The following MOCOS variants were observed in gnomAD, a reference collection of about 807,000 sequenced individuals.
The protein encoded by MOCOS is molybdenum cofactor sulfurase.
MOCOS carries 86 observed loss-of-function variants against 83.6 expected under a neutral mutation model. The ratio of observed to expected loss-of-function variants is 1.03; its 90% CI spans 0.86 to 1.23. MOCOS has a LOEUF of 1.23. Ranked by LOEUF, MOCOS falls within the 50% of genes most tolerant of loss-of-function variation. The pLI is 0.00. For synonymous variants in MOCOS, 445 were observed against 434.7 expected, an observed-to-expected ratio of 1.02 and a Z score of -0.29; for missense variants, 1,120 against 1,126.9, an observed-to-expected ratio of 0.99 and a Z score of 0.09.
intron 11 of MOCOS, among the ~76,000 whole-genome samples, chr18:36,256,388 C>T (rs1248757243): frequency 1.3e-5 from 2 of 152,192 alleles, no homozygotes; most frequent in Non-Finnish European, 2.9e-5. Context: ...TCCTCGAAGT[C>T]TTGCCTCCAA....
chr18:36,232,446 A>G (rs1039885688), intron 9 of MOCOS, among the ~76,000 whole-genome samples: 7 of 152,236 alleles, frequency 4.6e-5, no homozygotes, highest in East Asian at 1.9e-4. Context: ...GTGTAATTAT[A>G]TAGCATATTC....
chr18:36,260,540 G>A (rs1335579869), intron 13 of MOCOS, among the ~76,000 whole-genome samples: 13 of 152,164 alleles, frequency 8.5e-5, no homozygotes, highest in Admixed American at 8.5e-4. Flanking sequence ...GGAGCTTGTG[G>A]AGGGAGGCCC....
chr18:36,242,644 C>T (rs1460960335), intron 9 of MOCOS, among the ~76,000 whole-genome samples: 1 of 152,228 alleles, frequency 6.6e-6, no homozygotes, highest in Non-Finnish European at 1.5e-5. Context: ...CACAGTTCCA[C>T]ATGGCTGGAG....
intron 11 of MOCOS, among the ~76,000 whole-genome samples, chr18:36,255,246 G>A (rs1371764995): frequency 2.6e-5 from 4 of 152,182 alleles, no homozygotes; most frequent in African/African-American, 9.6e-5. Context: ...TAAATAAAGG[G>A]CTAGGGAAAG....
At chr18:36,203,789 AG>A (rs1448071053) in intron 5 of MOCOS, among the ~76,000 whole-genome samples, 2 of 152,210 alleles carry the variant, frequency 1.3e-5, no homozygotes, top group Non-Finnish European at 2.9e-5. Context: ...AGCCCAACAT[AG>A]GGGCAGACAG....
chr18:36,252,345 A>G (rs1425037632), intron 11 of MOCOS, among the ~76,000 whole-genome samples: 1 of 152,018 alleles, frequency 6.6e-6, no homozygotes, highest in Non-Finnish European at 1.5e-5. Flanking sequence ...ACATGGCAAG[A>G]CTCTATATCT....
At chr18:36,251,057 G>A (rs999692338) in intron 10 of MOCOS, 102 bp from the exon 11 acceptor site, 22 of 1,420,432 alleles carry the variant, frequency 1.5e-5, no homozygotes, top group Non-Finnish European at 2.0e-5. Flanking sequence ...CTCATGCAAT[G>A]TTTTGTTTTA....
chr18:36,215,344 C>T (rs1350128371), intron 7 of MOCOS, among the ~76,000 whole-genome samples, 172 bp from the exon 8 acceptor site: 1 of 152,128 alleles, frequency 6.6e-6, no homozygotes, highest in African/African-American at 2.4e-5. Flanking sequence ...AGAAAGTGGT[C>T]CCCTGCAGGT....
chr18:36,190,025 G>T (rs2144890088), intron 1 of MOCOS: 1 of 152,318 alleles, frequency 6.6e-6, no homozygotes, highest in Admixed American at 6.5e-5. Flanking sequence ...ATCTATGGGT[G>T]ATTTAACACA....
chr18:36,219,928 C>T (rs2091489798), intron 8 of MOCOS, 127 bp from the exon 9 acceptor site: 12 of 1,205,872 alleles, frequency 1.0e-5, no homozygotes, highest in East Asian at 2.3e-5. Context: ...TCTCTTCCTC[C>T]CTTTCTTCCT....
At chr18:36,244,618 A>G (rs562350862) in intron 9 of MOCOS, among the ~76,000 whole-genome samples, 2 of 152,222 alleles carry the variant, frequency 1.3e-5, no homozygotes, top group African/African-American at 4.8e-5. Context: ...TAGAATTTTC[A>G]TAAATATCTG....
At chr18:36,229,985 T>C (rs1320880863) in intron 9 of MOCOS, among the ~76,000 whole-genome samples, 2 of 152,262 alleles carry the variant, frequency 1.3e-5, no homozygotes, top group East Asian at 3.9e-4. Flanking sequence ...TCTGTTTCAT[T>C]AGGGTCAGTT....
At chr18:36,210,973 G>C (rs1484763420) in intron 6 of MOCOS, among the ~76,000 whole-genome samples, 6 of 151,862 alleles carry the variant, frequency 4.0e-5, no homozygotes, top group African/African-American at 1.2e-4. Flanking sequence ...CTGCCTGTGT[G>C]GGTGTCTGGG....
intron 11 of MOCOS, among the ~76,000 whole-genome samples, chr18:36,255,004 G>T (rs599519): frequency 0.43 from 64,653 of 151,978 alleles, 14,230 homozygotes; most frequent in Admixed American, 0.55. Flanking sequence ...GGGACTACAG[G>T]CATGAGCCTT....
intron 1 of MOCOS, among the ~76,000 whole-genome samples, chr18:36,194,788 A>G (rs1440280374): frequency 2.0e-5 from 3 of 152,178 alleles, no homozygotes; most frequent in African/African-American, 7.2e-5. Flanking sequence ...TTTCTCTCAG[A>G]GAGAGGTTGG....
intron 9 of MOCOS, among the ~76,000 whole-genome samples, chr18:36,248,597 C>T (rs1016506676): frequency 6.6e-6 from 1 of 152,086 alleles, no homozygotes; most frequent in Non-Finnish European, 1.5e-5. Flanking sequence ...ATCTCTAATC[C>T]ATTTTGAGTT....
At chr18:36,214,931 C>T (rs556949619) in intron 7 of MOCOS, among the ~76,000 whole-genome samples, 5 of 152,306 alleles carry the variant, frequency 3.3e-5, no homozygotes, top group Admixed American at 6.5e-5. Context: ...ACCAGGCAGC[C>T]GGGCTCGGAG....
At chr18:36,207,460 A>T (rs2091439014) in intron 6 of MOCOS, among the ~76,000 whole-genome samples, 1 of 152,080 alleles carries the variant, frequency 6.6e-6, no homozygotes, top group Non-Finnish European at 1.5e-5. Context: ...TCAGCAGCAT[A>T]TGTTAATTTT....
At chr18:36,203,973 G>T (rs1034029923) in intron 5 of MOCOS, among the ~76,000 whole-genome samples, 2 of 152,198 alleles carry the variant, frequency 1.3e-5, no homozygotes, top group East Asian at 1.9e-4. Flanking sequence ...GGTCCAGGTA[G>T]CTCGGAATGC....
Sources: gnomAD v4.1 joint callset for allele counts (sites outside exome capture counted in the v4.1 genomes callset) on GRCh38, gnomAD v4.1.1 for gene constraint, MANE v1.5 for transcripts, NCBI Gene and HGNC (gene_info 2026-07-23, HGNC 2026-07-21) for gene names.